CACNA2D3: variants seen among roughly 807,000 people sequenced by gnomAD.
The protein encoded by CACNA2D3 is calcium voltage-gated channel auxiliary subunit alpha2delta 3.
CACNA2D3 carries 60 observed loss-of-function variants against 160.6 expected under a neutral mutation model. The observed-to-expected ratio is 0.37, with a 90% CI of 0.30 to 0.46. CACNA2D3 has a LOEUF of 0.46. CACNA2D3 is among the 20% of genes least tolerant of loss of function. The probability of loss-of-function intolerance (pLI) is 1.00; values close to 1 mark genes in which losing one functional copy is unlikely to be tolerated. For missense variants in CACNA2D3, 1,205 were observed against 1,365.0 expected (o/e 0.88, Z 1.85); for synonymous variants, 558 against 492.9 (o/e 1.13, Z -1.75).
At chr3:54,927,924 T>C in intron 27 of CACNA2D3, 2 of 1,613,628 alleles carry the variant, frequency 1.2e-6, no homozygotes, top group Non-Finnish European at 1.7e-6. Context: ...CTGAGTCTCC[T>C]TGGGCGTCCT....
At chr3:54,891,955 G>C (rs1467668432) in intron 25 of CACNA2D3, among the ~76,000 whole-genome samples, 1 of 152,194 alleles carries the variant, frequency 6.6e-6, no homozygotes, top group African/African-American at 2.4e-5. Flanking sequence ...GCCCTCTGGG[G>C]ATGCTGGGGT....
chr3:54,495,538 C>T (rs1701190234), intron 4 of CACNA2D3, among the ~76,000 whole-genome samples: 1 of 152,066 alleles, frequency 6.6e-6, no homozygotes, highest in African/African-American at 2.4e-5. Flanking sequence ...CACTTGAGGC[C>T]AAGAGTTCAA....
intron 5 of CACNA2D3, among the ~76,000 whole-genome samples, chr3:54,545,877 G>A (rs765093413): frequency 3.9e-5 from 6 of 152,078 alleles, no homozygotes; most frequent in African/African-American, 1.2e-4. Context: ...CTTGAATTTC[G>A]TTCAGGAACC....
chr3:54,134,400 G>A (rs982706535), intron 2 of CACNA2D3, among the ~76,000 whole-genome samples: 2 of 152,142 alleles, frequency 1.3e-5, no homozygotes, highest in Non-Finnish European at 2.9e-5. Flanking sequence ...CGATCTATGG[G>A]GTGGGCTTCA....
At chr3:54,505,718 G>A (rs1701358624) in intron 5 of CACNA2D3, among the ~76,000 whole-genome samples, 1 of 152,124 alleles carries the variant, frequency 6.6e-6, no homozygotes, top group African/African-American at 2.4e-5. Flanking sequence ...AATTCAGAAT[G>A]ATCTTTTAAA....
Position 54,686,220 on chromosome 3 carries a change from T to TC in CACNA2D3, c.1167+43980dup, listed in dbSNP as rs11412969. On this transcript the variant is annotated intron_variant, in intron 11 of 37. Coordinates refer to ENST00000474759, the MANE Select transcript of CACNA2D3 (RefSeq NM_018398.3). ...GCCATGCCCATTCATTTACATATTG[T>TC]CTGTGGCTGCTTTTTCACTATGTGG... is the stretch of plus-strand genomic sequence containing the variant. Among the ~76,000 whole-genome samples, 668 of 152,338 alleles carry TC rather than the reference T, an allele frequency of 4.4e-3. 5 individuals are homozygous for TC. Among genetic ancestry groups the TC allele is most frequent in the African/African-American group, 0.016 (645 of 41,572 alleles).
At chr3:54,495,386 A>G (rs1014682844) in intron 4 of CACNA2D3, among the ~76,000 whole-genome samples, 11 of 152,258 alleles carry the variant, frequency 7.2e-5, no homozygotes, top group African/African-American at 2.4e-4. Context: ...AAAAATGCGC[A>G]GTTCTTTAGC....
intron 35 of CACNA2D3, among the ~76,000 whole-genome samples, chr3:55,026,825 G>A (rs545609476): frequency 6.6e-6 from 1 of 152,262 alleles, no homozygotes; most frequent in African/African-American, 2.4e-5. Context: ...CCCTGACACC[G>A]GTATGGAACC....
At chr3:55,063,850 T>C (rs1266945594) in intron 35 of CACNA2D3, among the ~76,000 whole-genome samples, 1 of 152,190 alleles carries the variant, frequency 6.6e-6, no homozygotes, top group Admixed American at 6.5e-5. Context: ...AAGCCTAACA[T>C]TTTGCAGATT....
At chr3:55,054,124 A>G (rs1704304067) in intron 35 of CACNA2D3, among the ~76,000 whole-genome samples, 1 of 151,904 alleles carries the variant, frequency 6.6e-6, no homozygotes, top group Admixed American at 6.6e-5. Context: ...CTATCTTCAA[A>G]TAATATTAAA....
At chr3:55,022,650 CCT>C (rs1255217494) in intron 35 of CACNA2D3, among the ~76,000 whole-genome samples, 1 of 132,054 alleles carries the variant, frequency 7.6e-6, no homozygotes, top group Non-Finnish European at 1.6e-5. Flanking sequence ...CTCCTTCCTT[CCT>C]CTCTCTCCTT....
chr3:55,022,734 T>TA (rs2107165363), intron 35 of CACNA2D3, among the ~76,000 whole-genome samples: 1 of 151,238 alleles, frequency 6.6e-6, no homozygotes, highest in African/African-American at 2.4e-5. Flanking sequence ...ATACTCTATG[T>TA]AAAGTACACA....
At chr3:54,322,265 A>G (rs551539813) in intron 3 of CACNA2D3, among the ~76,000 whole-genome samples, 2 of 152,344 alleles carry the variant, frequency 1.3e-5, no homozygotes, top group East Asian at 3.9e-4. Context: ...TTCTGCCCCA[A>G]GGTGGGAGAC....
chr3:54,133,754 G>A (rs923679392), intron 2 of CACNA2D3, among the ~76,000 whole-genome samples: 5 of 152,278 alleles, frequency 3.3e-5, no homozygotes, highest in Non-Finnish European at 7.3e-5. Context: ...CCTAAGATGC[G>A]TTTCTGAGAA....
intron 13 of CACNA2D3, among the ~76,000 whole-genome samples, chr3:54,810,070 G>C (rs1174739173): frequency 6.6e-6 from 1 of 152,192 alleles, no homozygotes; most frequent in Non-Finnish European, 1.5e-5. Flanking sequence ...CTGACGCATG[G>C]GTAGGGAATC....
rs565556596 is a variant in CACNA2D3 at position 54,681,382 on chromosome 3, C to CAAAAAAA, written c.1167+39161_1167+39167dup. ...TGAAACCCCATCTCTACTAAAAATACAAAAAAAAAAAAAAAAAAAAAAAAA... is the reference window on the plus strand; with the variant it reads ...TGAAACCCCATCTCTACTAAAAATACAAAAAAAAAAAAAAAAAAAAAAAAAAAAAAAA... On this transcript the variant is annotated intron_variant, in intron 11 of 37. Coordinates refer to ENST00000474759, the MANE Select transcript of CACNA2D3 (RefSeq NM_018398.3). Among the ~76,000 whole-genome samples the CAAAAAAA allele has an allele frequency of 4.3e-4, 27 of 62,098 alleles. 2 individuals are homozygous for CAAAAAAA. Among genetic ancestry groups the CAAAAAAA allele is most frequent in the African/African-American group, 1.6e-3 (20 of 12,398 alleles). 40.7% of individuals were successfully genotyped at this position (62,098 alleles called of 152,430 possible).
At chr3:54,274,661 AG>A (rs1488179261) in intron 2 of CACNA2D3, among the ~76,000 whole-genome samples, 1 of 152,206 alleles carries the variant, frequency 6.6e-6, no homozygotes, top group African/African-American at 2.4e-5. Flanking sequence ...CAGCTTTACT[AG>A]GTTCTCTGTC....
At chr3:54,968,946 G>T (rs2107068316) in intron 28 of CACNA2D3, among the ~76,000 whole-genome samples, 2 of 152,210 alleles carry the variant, frequency 1.3e-5, no homozygotes, top group East Asian at 3.9e-4. Context: ...GTCTACCTTG[G>T]AGAATCTGGG....
intron 5 of CACNA2D3, among the ~76,000 whole-genome samples, chr3:54,544,203 A>G (rs748531050): frequency 2.0e-5 from 3 of 152,242 alleles, no homozygotes; most frequent in South Asian, 2.1e-4. Flanking sequence ...TACATAATAC[A>G]TTTAGAGAGT....
Sources: gnomAD v4.1 joint callset for allele counts (sites outside exome capture counted in the v4.1 genomes callset) on GRCh38, gnomAD v4.1.1 for gene constraint, MANE v1.5 for transcripts, NCBI Gene and HGNC (gene_info 2026-07-23, HGNC 2026-07-21) for gene names.